Variants in LRRC9 observed in about 807,000 individuals in gnomAD.
The protein encoded by LRRC9 is leucine rich repeat containing 9, also known as leucine-rich repeat-containing protein 9.
In LRRC9, 122 loss-of-function variants were observed where a neutral mutation model predicts 63.2. The observed-to-expected ratio is 1.93, with a 90% CI of 1.67 to 2.24. The LOEUF (loss-of-function observed/expected upper bound fraction) is 2.24, where lower values mean the gene tolerates loss of function less well. Among genes scored for constraint, LRRC9 ranks in the 30% most tolerant of loss-of-function variants. The probability of loss-of-function intolerance (pLI) is 0.00; values close to 1 mark genes in which losing one functional copy is unlikely to be tolerated. For missense variants in LRRC9, 1,071 were observed against 627.7 expected, an observed-to-expected ratio of 1.71 and a Z score of -7.55; for synonymous variants, 366 against 213.1, an observed-to-expected ratio of 1.72 and a Z score of -6.25.
chr14:59,951,754 G>C (rs971796913), intron 8 of LRRC9, among the ~76,000 whole-genome samples: 1 of 151,806 alleles, frequency 6.6e-6, no homozygotes, highest in African/African-American at 2.4e-5. Context: ...GGAATACCCT[G>C]CTGTGTGAGG....
intron 15 of LRRC9, among the ~76,000 whole-genome samples, chr14:59,980,355 T>C (rs574919364): frequency 3.9e-5 from 6 of 152,294 alleles, no homozygotes; most frequent in African/African-American, 1.4e-4. Context: ...TTTCATCTAA[T>C]TTTGGATCAC....
chr14:59,982,337 C>G (rs190032839), intron 16 of LRRC9, among the ~76,000 whole-genome samples: 28 of 152,256 alleles, frequency 1.8e-4, no homozygotes, highest in African/African-American at 6.3e-4. Context: ...TTTTATTTAA[C>G]TGAAATATCT....
chr14:59,940,264 A>G (rs1338742690), intron 7 of LRRC9, among the ~76,000 whole-genome samples: 1 of 152,156 alleles, frequency 6.6e-6, no homozygotes, highest in Non-Finnish European at 1.5e-5. Flanking sequence ...GATATATACT[A>G]TAGTCCAACT....
chr14:59,945,069 T>A (rs1882213937), intron 8 of LRRC9, among the ~76,000 whole-genome samples: 1 of 151,854 alleles, frequency 6.6e-6, no homozygotes, highest in African/African-American at 2.4e-5. Context: ...GTTACAAAAA[T>A]TATTAGACTT....
chr14:60,021,006 C>T (rs942535016), intron 26 of LRRC9, among the ~76,000 whole-genome samples: 1 of 151,820 alleles, frequency 6.6e-6, no homozygotes, highest in African/African-American at 2.4e-5. Context: ...TGGGTAGATA[C>T]CTATGAGTGG....
At chr14:60,023,788 C>T (rs893876899) in intron 27 of LRRC9, among the ~76,000 whole-genome samples, 1 of 152,092 alleles carries the variant, frequency 6.6e-6, no homozygotes, top group African/African-American at 2.4e-5. Context: ...AATGCTTTCC[C>T]TTCCCTTGTC....
At chr14:59,933,501 T>C (rs1456998775) in intron 6 of LRRC9, among the ~76,000 whole-genome samples, 1 of 152,220 alleles carries the variant, frequency 6.6e-6, no homozygotes, top group Non-Finnish European at 1.5e-5. Flanking sequence ...TGAAGGTGCA[T>C]ATTCAAACAC....
intron 17 of LRRC9, among the ~76,000 whole-genome samples, chr14:59,997,022 G>A (rs1032221231): frequency 1.3e-5 from 2 of 151,932 alleles, no homozygotes; most frequent in Non-Finnish European, 2.9e-5. Context: ...AATGTTAAAA[G>A]GATACAAAAT....
At chr14:59,998,682 CT>C (rs1193263964) in intron 18 of LRRC9, among the ~76,000 whole-genome samples, 1 of 151,880 alleles carries the variant, frequency 6.6e-6, no homozygotes, top group African/African-American at 2.4e-5. Context: ...GAATATTTTT[CT>C]TTTGCCAAAG....
At position 59,919,927 on chromosome 14, in the gene LRRC9, A is replaced by ATCT. The variant is rs1888617902; in HGVS notation, c.-34+44_-34+45insTCT. The ATCT allele has an allele frequency of 6.6e-6, 1 of 152,258 alleles. No individual in the cohort carries two copies. Among genetic ancestry groups the ATCT allele is most frequent in the Non-Finnish European group, 1.5e-5 (1 of 68,072 alleles). 9.4% of individuals were successfully genotyped at this position (152,258 alleles called of 1,614,324 possible). On this transcript the variant is annotated intron_variant, in intron 1 of 31. Coordinates refer to ENST00000445360, the Ensembl canonical transcript of LRRC9. This position sits in a 1 kb window ranked among gnomAD's most constrained non-coding sequence, Gnocchi z 4.5. ...GCAGGTACAGAAAAACCTGCCAGCG[A>ATCT]GAAGCTCCCGCCGTTTCCCAGGAGC... is the stretch of plus-strand genomic sequence containing the variant.
At chr14:60,023,376 A>G (rs1371803613) in intron 27 of LRRC9, among the ~76,000 whole-genome samples, 3 of 152,014 alleles carry the variant, frequency 2.0e-5, no homozygotes, top group African/African-American at 7.2e-5. Flanking sequence ...CGGCATGTAT[A>G]GAACTCTTTA....
intron 12 of LRRC9, among the ~76,000 whole-genome samples, chr14:59,972,743 CA>C (rs1387320872): frequency 1.3e-5 from 2 of 152,164 alleles, no homozygotes; most frequent in South Asian, 2.1e-4. Flanking sequence ...CTGGCATAAA[CA>C]AGCTTGGGAA....
At chr14:60,014,928 T>C (rs778991324) in intron 23 of LRRC9, among the ~76,000 whole-genome samples, 2 of 152,160 alleles carry the variant, frequency 1.3e-5, no homozygotes, top group Non-Finnish European at 2.9e-5. Flanking sequence ...GTTCCACAAA[T>C]ACAGGATATG....
intron 23 of LRRC9, among the ~76,000 whole-genome samples, chr14:60,010,720 A>C (rs1264657698): frequency 6.6e-6 from 1 of 152,054 alleles, no homozygotes; most frequent in Non-Finnish European, 1.5e-5. Context: ...CAAATTTTTC[A>C]CCAGATACCC....
chr14:60,029,592 T>C (rs1566890702), intron 28 of LRRC9, among the ~76,000 whole-genome samples: 1 of 152,110 alleles, frequency 6.6e-6, no homozygotes, highest in Non-Finnish European at 1.5e-5. Context: ...GGATGTCCAG[T>C]TACCAGATTA....
chr14:59,972,418 A>G (rs1225194271), intron 12 of LRRC9, among the ~76,000 whole-genome samples: 13 of 152,126 alleles, frequency 8.5e-5, no homozygotes, highest in Admixed American at 8.5e-4. Flanking sequence ...GCCTTTGACT[A>G]TGAAATTGGA....
chr14:59,992,791 A>G (rs1457453024), intron 17 of LRRC9, among the ~76,000 whole-genome samples: 1 of 152,268 alleles, frequency 6.6e-6, no homozygotes, highest in African/African-American at 2.4e-5. Flanking sequence ...AAAGCCTCCA[A>G]GAAATATGGG....
At chr14:60,063,508 T>C (rs932370802) in exon 32 of LRRC9, 2 of 606,020 alleles carry the variant, frequency 3.3e-6, no homozygotes, top group South Asian at 2.0e-5. Flanking sequence ...CATATGAAGA[T>C]AATCTATTAC....
intron 31 of LRRC9, 128 bp downstream of exon 32, chr14:60,062,307 A>G (rs564466815): frequency 8.2e-5 from 32 of 391,940 alleles, no homozygotes; most frequent in African/African-American, 6.6e-4. Flanking sequence ...GGAACTAGAA[A>G]AAACTGTCAG....
Sources: allele counts gnomAD v4.1 joint callset (sites outside exome capture counted in the v4.1 genomes callset), GRCh38; gene constraint gnomAD v4.1.1; non-coding constraint Gnocchi (gnomAD v3.1); transcripts MANE v1.5; gene names NCBI Gene and HGNC (gene_info 2026-07-23, HGNC 2026-07-21).